Variants in SLC12A7 observed in about 807,000 individuals in gnomAD.
SLC12A7 encodes the protein K-Cl cotransporter 4.
SLC12A7 carries 100 observed loss-of-function variants against 120.6 expected under a neutral mutation model. That is an observed-to-expected ratio of 0.83 (90% CI 0.71 to 0.98). The LOEUF (loss-of-function observed/expected upper bound fraction) is 0.98, where lower values mean the gene tolerates loss of function less well. SLC12A7 is among the 50% of genes least tolerant of loss of function. SLC12A7 has a pLI of 0.00. For missense variants in SLC12A7, 1,373 were observed against 1,548.1 expected, an observed-to-expected ratio of 0.89 and a Z score of 1.90; for synonymous variants, 760 against 678.0, an observed-to-expected ratio of 1.12 and a Z score of -1.88.
Position 1,073,877 on chromosome 5 carries a change from G to A in SLC12A7, c.2073-76C>T. The stretch of plus-strand genomic sequence containing the variant: ...GGCCCATCAACAGGCAGGGCAGATG[G>A]GACGGGCGGGGCACACGACACAGGT... On this transcript the variant is annotated intron_variant, in intron 16 of 23. Coordinates refer to ENST00000264930, the MANE Select transcript of SLC12A7 (RefSeq NM_006598.3). 3 of 1,290,182 alleles carry A rather than the reference G, an allele frequency of 2.3e-6. No homozygotes were observed. In the South Asian group the frequency reaches 8.4e-5, roughly 36 times the overall value. 79.9% of individuals were successfully genotyped at this position (1,290,182 alleles called of 1,614,324 possible). A position where few individuals can be genotyped will look rare whatever the true frequency, so the allele number is the denominator to read the frequency against.
At chr5:1,141,991 C>A in the SLC12A7 span, among the ~76,000 whole-genome samples, 8 of 152,226 alleles carry the variant, frequency 5.3e-5, no homozygotes, top group African/African-American at 1.9e-4. Flanking sequence ...TTAGAGATAC[C>A]CCTCTTCCCT....
intron 1 of SLC12A7, among the ~76,000 whole-genome samples, chr5:1,095,537 G>A (rs779166420): frequency 1.3e-5 from 2 of 152,210 alleles, no homozygotes; most frequent in African/African-American, 2.4e-5. Context: ...AGGGGTGCTC[G>A]GCCCATCCTT....
chr5:1,131,438 C>A, the SLC12A7 span, among the ~76,000 whole-genome samples: 1 of 152,346 alleles, frequency 6.6e-6, no homozygotes, highest in South Asian at 2.1e-4. Context: ...GGATTCTACA[C>A]AATCCTAGCA....
chr5:1,142,233 C>T, the SLC12A7 span, among the ~76,000 whole-genome samples: 1 of 149,570 alleles, frequency 6.7e-6, no homozygotes, highest in South Asian at 2.1e-4. Context: ...CCCTGGTGCC[C>T]CCATAATCAG....
the SLC12A7 span, among the ~76,000 whole-genome samples, chr5:1,134,956 G>T: frequency 6.6e-6 from 1 of 152,088 alleles, no homozygotes; most frequent in South Asian, 2.1e-4. Flanking sequence ...GTGAAACCCC[G>T]TCTCTACCAA....
At chr5:1,067,790 C>A (rs1466963049) in intron 17 of SLC12A7, among the ~76,000 whole-genome samples, 1 of 129,660 alleles carries the variant, frequency 7.7e-6, no homozygotes, top group Non-Finnish European at 1.7e-5. Flanking sequence ...AGGAACTCAA[C>A]ACTGTGTGGG....
At chr5:1,109,853 G>C (rs963393237) in intron 1 of SLC12A7, among the ~76,000 whole-genome samples, 1 of 152,274 alleles carries the variant, frequency 6.6e-6, no homozygotes, top group African/African-American at 2.4e-5. Flanking sequence ...AGACCGTTCA[G>C]GGGAACGGCA....
At chr5:1,132,542 T>C in the SLC12A7 span, among the ~76,000 whole-genome samples, 17 of 152,326 alleles carry the variant, frequency 1.1e-4, no homozygotes, top group East Asian at 2.9e-3. Flanking sequence ...AGTTCTTTTT[T>C]CTTTTCTTTT....
chr5:1,061,024 C>T lies in SLC12A7; in HGVS notation c.2740-573G>A, dbSNP rs546870432. ...TGCAGGATCCCTGAGTCTCACCCGC[C>T]GCACCCGCCGTGCGGGATCCCTGAG... On this transcript the variant is annotated intron_variant, in intron 20 of 23. Coordinates refer to ENST00000264930, the MANE Select transcript of SLC12A7 (RefSeq NM_006598.3). Among the ~76,000 whole-genome samples the T allele has an allele frequency of 4.9e-3, 671 of 136,658 alleles. 9 individuals are homozygous for T. Among genetic ancestry groups the T allele is most frequent in the African/African-American group, 0.018 (631 of 34,466 alleles). The allele number at this position is 136,658 out of a possible 152,430, so 89.7% of individuals were successfully genotyped here. A position where few individuals can be genotyped will look rare whatever the true frequency, so the allele number is the denominator to read the frequency against.
chr5:1,140,427 G>A, the SLC12A7 span, among the ~76,000 whole-genome samples: 1 of 152,222 alleles, frequency 6.6e-6, no homozygotes, highest in Non-Finnish European at 1.5e-5. Flanking sequence ...GGTAAGCAGG[G>A]GAGGAGGAAA....
At chr5:1,112,797 T>C (rs1743141281), upstream of SLC12A7, among the ~76,000 whole-genome samples, 1 of 149,564 alleles carries the variant, frequency 6.7e-6, no homozygotes, top group Non-Finnish European at 1.5e-5. Context: ...GGAAGGAGCC[T>C]TGGATAGCCT....
the SLC12A7 span, among the ~76,000 whole-genome samples, chr5:1,153,725 G>A: frequency 6.6e-6 from 1 of 152,172 alleles, no homozygotes; most frequent in Admixed American, 6.5e-5. Flanking sequence ...ACACTAACCG[G>A]CGACCTGCAG....
chr5:1,099,647 G>A (rs1383941383), intron 1 of SLC12A7, among the ~76,000 whole-genome samples: 1 of 152,152 alleles, frequency 6.6e-6, no homozygotes, highest in East Asian at 1.9e-4. Context: ...CACATTTAAG[G>A]GCTGAAATGC....
At chr5:1,138,102 T>C in the SLC12A7 span, among the ~76,000 whole-genome samples, 2 of 152,144 alleles carry the variant, frequency 1.3e-5, no homozygotes, top group Non-Finnish European at 2.9e-5. Flanking sequence ...ACTTCAAGAA[T>C]GAAGTCCCAG....
At chr5:1,118,617 G>C in the SLC12A7 span, among the ~76,000 whole-genome samples, 2 of 152,204 alleles carry the variant, frequency 1.3e-5, no homozygotes, top group African/African-American at 2.4e-5. Context: ...TTTCTAGACC[G>C]GGGGATGCCT....
At chr5:1,133,548 G>A in the SLC12A7 span, among the ~76,000 whole-genome samples, 1 of 152,206 alleles carries the variant, frequency 6.6e-6, no homozygotes, top group Admixed American at 6.5e-5. Flanking sequence ...GTGCTGTCTG[G>A]GGTTGACTGT....
At chr5:1,063,758 TCACGA>T (rs1396156348) in intron 20 of SLC12A7, 81 bp downstream of exon 20, 2 of 77,232 alleles carry the variant, frequency 2.6e-5, no homozygotes, top group Non-Finnish European at 4.9e-5. Context: ...CACCCCCACC[TCACGA>T]GGCCCACAGC....
At chr5:1,135,845 A>C in the SLC12A7 span, among the ~76,000 whole-genome samples, 9 of 152,194 alleles carry the variant, frequency 5.9e-5, no homozygotes, top group Non-Finnish European at 1.3e-4. Flanking sequence ...TATCTTCAAG[A>C]GTTTGACAAA....
the SLC12A7 span, among the ~76,000 whole-genome samples, chr5:1,121,496 G>A: frequency 1.3e-5 from 2 of 152,258 alleles, no homozygotes; most frequent in South Asian, 2.1e-4. Context: ...GCTGCTGAGA[G>A]GTCCTTTAAG....
Sources: gnomAD v4.1 joint callset for allele counts (sites outside exome capture counted in the v4.1 genomes callset) on GRCh38, gnomAD v4.1.1 for gene constraint, MANE v1.5 for transcripts, NCBI Gene and HGNC (gene_info 2026-07-23, HGNC 2026-07-21) for gene names.